The following ACTN2 variants were observed in gnomAD, a reference collection of about 807,000 sequenced individuals.
The protein encoded by ACTN2 is actinin alpha 2.
In ACTN2, 39 loss-of-function variants were observed where a neutral mutation model predicts 113.8. That is an observed-to-expected ratio of 0.34 (90% CI 0.27 to 0.45). ACTN2 has a LOEUF of 0.45. Among genes scored for constraint, ACTN2 ranks in the 20% least tolerant of loss-of-function variants. The pLI is 1.00. For missense variants in ACTN2, 992 were observed against 1,177.9 expected (o/e 0.84, Z 2.31); for synonymous variants, 429 against 444.1 (o/e 0.97, Z 0.43).
rs1340420198 is a variant in ACTN2, at chr1:236,749,341, G to A, written c.1656+77G>A. On this transcript the variant is annotated intron_variant, in intron 14 of 20. Coordinates refer to ENST00000366578, the MANE Select transcript of ACTN2 (RefSeq NM_001103.4). The stretch of plus-strand genomic sequence containing the variant: ...TTAAACTTAAGAGTCCTGTTATTTG[G>A]TTTCTTGTTTTCTTGCTTTAAAAAA... The A allele has an allele frequency of 5.1e-6, 8 of 1,583,294 alleles. No individual in the cohort carries two copies. In the East Asian group the frequency reaches 1.8e-4, roughly 35 times the overall value.
intron 18 of ACTN2, among the ~76,000 whole-genome samples, chr1:236,759,352 C>T (rs117381494): frequency 6.6e-6 from 1 of 152,292 alleles, no homozygotes; most frequent in East Asian, 1.9e-4. Context: ...CAATCTTTTG[C>T]AACAAAAGTC....
At chr1:236,760,063 T>C (rs1659661571) in intron 19 of ACTN2, among the ~76,000 whole-genome samples, 1 of 152,158 alleles carries the variant, frequency 6.6e-6, no homozygotes, top group Admixed American at 6.5e-5. Flanking sequence ...CTAACCAATA[T>C]GGTGAAACCT....
chr1:236,723,747 G>A (rs1475713605), intron 4 of ACTN2, among the ~76,000 whole-genome samples: 2 of 152,156 alleles, frequency 1.3e-5, no homozygotes, highest in African/African-American at 4.8e-5. Context: ...GTGAGCCACT[G>A]TGCCTGGCCT....
At chr1:236,761,622 GT>G (rs1393069318) in intron 20 of ACTN2, among the ~76,000 whole-genome samples, 3 of 152,116 alleles carry the variant, frequency 2.0e-5, no homozygotes, top group African/African-American at 7.2e-5. Context: ...AAATATAGCC[GT>G]TCAGTCAGTA....
At chr1:236,701,092 A>G (rs1176192374) in intron 1 of ACTN2, among the ~76,000 whole-genome samples, 1 of 152,098 alleles carries the variant, frequency 6.6e-6, no homozygotes, top group African/African-American at 2.4e-5. Context: ...GTCCGGGACA[A>G]TCCCAGTTTG....
chr1:236,722,808 T>C (rs188025296), intron 4 of ACTN2, among the ~76,000 whole-genome samples: 9 of 152,296 alleles, frequency 5.9e-5, no homozygotes, highest in African/African-American at 2.2e-4. Flanking sequence ...ATCAGGGTTT[T>C]GTGTGTGGAC....
In ACTN2 at chr1:236,763,565, T is replaced by C. The variant is rs1324762278; in HGVS notation, c.*946T>C. ...TAGCTCTCCAGTCAGGACTTCCTTA[T>C]GCCTCTAGTTTTATGACCGGTTAAG... On this transcript the variant is annotated 3_prime_UTR_variant, in exon 21 of 21. Coordinates refer to ENST00000366578, the MANE Select transcript of ACTN2 (RefSeq NM_001103.4). 1 of 152,260 alleles carries C rather than the reference T, an allele frequency of 6.6e-6. No homozygotes were observed. The highest frequency in any genetic ancestry group is 1.5e-5 in the Non-Finnish European group (1 of 68,054). The allele number at this position is 152,260 out of a possible 1,614,324, so 9.4% of individuals were successfully genotyped here. A position where few individuals can be genotyped will look rare whatever the true frequency, so the allele number is the denominator to read the frequency against.
chr1:236,700,003 T>C (rs888265163), intron 1 of ACTN2, among the ~76,000 whole-genome samples: 7 of 152,164 alleles, frequency 4.6e-5, no homozygotes, highest in African/African-American at 1.7e-4. Context: ...CAAGGCCCCC[T>C]ACTTCCCACA....
At chr1:236,736,984 G>T in intron 8 of ACTN2, 138 bp from the exon 9 acceptor site, 1 of 706,452 alleles carries the variant, frequency 1.4e-6, no homozygotes, top group South Asian at 1.5e-5. Flanking sequence ...CCTTCAGTCT[G>T]ACCGCACCCT....
At chr1:236,700,601 C>T (rs142554519) in intron 1 of ACTN2, among the ~76,000 whole-genome samples, 47 of 152,314 alleles carry the variant, frequency 3.1e-4, no homozygotes, top group Non-Finnish European at 6.2e-4. Flanking sequence ...CCTCCCTTAG[C>T]TCCACTGACC....
intron 1 of ACTN2, among the ~76,000 whole-genome samples, chr1:236,702,240 A>G (rs1657698854): frequency 2.0e-5 from 3 of 152,198 alleles, no homozygotes; most frequent in Admixed American, 2.0e-4. Flanking sequence ...CATTAGGAAT[A>G]TGGACGATTA....
chr1:236,744,132 A>T (rs1659154655), intron 11 of ACTN2, among the ~76,000 whole-genome samples: 1 of 152,180 alleles, frequency 6.6e-6, no homozygotes, highest in Non-Finnish European at 1.5e-5. Context: ...GAAAATTTCT[A>T]ATATTTATTA....
rs540529163 is a variant in ACTN2 at position 236,755,274 on chromosome 1, G to C, written c.2154+76G>C. ...CACCTCCTCAGGGTGCTTTCTTCAT[G>C]CACTTGTCTTTCTTTGTTCCTGTTA... On this transcript the variant is annotated intron_variant, in intron 17 of 20. Coordinates refer to ENST00000366578, the MANE Select transcript of ACTN2 (RefSeq NM_001103.4). 511 of 1,542,124 alleles carry C rather than the reference G, an allele frequency of 3.3e-4. 1 individual carries two copies. The African/African-American group carries it at 6.2e-3, about 19-fold the overall frequency.
intron 11 of ACTN2, among the ~76,000 whole-genome samples, chr1:236,743,808 G>A (rs896064606): frequency 6.6e-6 from 1 of 152,196 alleles, no homozygotes; most frequent in African/African-American, 2.4e-5. Context: ...GCAGCTGTGT[G>A]CCCCGGATGA....
chr1:236,761,510 T>C (rs1409236629), intron 20 of ACTN2, among the ~76,000 whole-genome samples: 1 of 152,144 alleles, frequency 6.6e-6, no homozygotes, highest in Non-Finnish European at 1.5e-5. Flanking sequence ...TTGGTGGATG[T>C]GACTCAGAAA....
intron 1 of ACTN2, among the ~76,000 whole-genome samples, chr1:236,695,563 T>TAC: frequency 9.9e-6 from 1 of 100,830 alleles, no homozygotes; most frequent in Non-Finnish European, 1.9e-5. Context: ...TGAAATGAGT[T>TAC]CCCCCCCCCT....
chr1:236,756,001 T>C (rs548355266), intron 17 of ACTN2, among the ~76,000 whole-genome samples: 74 of 18,942 alleles, frequency 3.9e-3, no homozygotes, highest in East Asian at 0.013. Context: ...CCGCTGCCAC[T>C]GTTAGAACCC....
chr1:236,740,626 G>A (rs1393609660), intron 10 of ACTN2, among the ~76,000 whole-genome samples: 2 of 151,568 alleles, frequency 1.3e-5, no homozygotes, highest in South Asian at 2.1e-4. Context: ...TCTGCCTCCC[G>A]AGTTCAAGCA....
At chr1:236,695,519 T>C (rs1657464172) in intron 1 of ACTN2, among the ~76,000 whole-genome samples, 1 of 151,052 alleles carries the variant, frequency 6.6e-6, no homozygotes, top group African/African-American at 2.4e-5. Flanking sequence ...TCACCATATT[T>C]ATGAGAAAAA....
Sources: allele counts gnomAD v4.1 joint callset (sites outside exome capture counted in the v4.1 genomes callset), GRCh38; gene constraint gnomAD v4.1.1; transcripts MANE v1.5; gene names NCBI Gene and HGNC (gene_info 2026-07-23, HGNC 2026-07-21).